Variants in POU4F2 observed in about 807,000 individuals in gnomAD.
POU4F2 encodes the protein POU domain, class 4, transcription factor 2.
In POU4F2, 10 loss-of-function variants were observed where a neutral mutation model predicts 21.5. The observed-to-expected ratio is 0.46, with a 90% confidence interval of 0.29 to 0.79. The LOEUF is 0.79. POU4F2 is among the 30% of genes least tolerant of loss of function. The pLI is 0.10. For missense variants in POU4F2, 623 were observed against 603.3 expected (o/e 1.03, Z -0.34); for synonymous variants, 324 against 271.1 (o/e 1.20, Z -1.92).
At chr4:146,639,829 T>A (rs1394114932) in intron 1 of POU4F2, 38 bp from the exon 2 acceptor site, 1 of 1,508,562 alleles carries the variant, frequency 6.6e-7, no homozygotes, top group Non-Finnish European at 8.9e-7. Context: ...TACAATTCCC[T>A]GCTGAGCGTA....
rs1194736156 is a variant in POU4F2, at chr4:146,639,233, C to A, written c.93C>A (p.Ser31Arg). ...HVEPKYSALHSTSPGSSAPIA... is the reference protein window; with the variant it reads ...HVEPKYSALHRTSPGSSAPIA... ...AGCCCAAGTACTCGGCACTGCACAG[C>A]ACCTCGCCGGGCTCCTCGGCTCCCA... The change falls in exon 1 of 2, where the codon AGC becomes AGA. Residue 31 changes from serine to arginine, a missense_variant. By Grantham distance (110) the Ser-to-Arg change is moderately radical. Coordinates refer to ENST00000281321, the MANE Select transcript of POU4F2 (RefSeq NM_004575.3). The A allele has an allele frequency of 6.3e-7, 1 of 1,594,788 alleles. No individual in the cohort carries two copies.
Position 146,640,234 on chromosome 4 carries a change from C to G in POU4F2, c.656C>G (p.Ala219Gly), listed in dbSNP as rs1186714249. 1 of 1,579,608 alleles carries G rather than the reference C, an allele frequency of 6.3e-7. No homozygotes were observed. The highest frequency in any genetic ancestry group is 2.3e-5 in the East Asian group (1 of 43,954). ...GCTGTGGTGTCCACGCCGGCTCACGCGCCGCACATGGCCACCATGAACCCC... is the reference window on the plus strand; with the variant it reads ...GCTGTGGTGTCCACGCCGGCTCACGGGCCGCACATGGCCACCATGAACCCC... ...DGAVVSTPAH[A>G]PHMATMNPMH... Residue 219 changes from alanine to glycine, a missense_variant, in exon 2 of 2, where the codon GCG (alanine) becomes GGG (glycine). Coordinates refer to ENST00000281321, the MANE Select transcript of POU4F2 (RefSeq NM_004575.3). This position sits in a 1 kb window ranked among gnomAD's most constrained non-coding sequence, Gnocchi z 4.8.
intron 1 of POU4F2, 63 bp downstream of exon 1, chr4:146,639,491 A>G: frequency 6.9e-7 from 1 of 1,444,802 alleles, no homozygotes; most frequent in Non-Finnish European, 9.1e-7. Flanking sequence ...TATCTGCTTG[A>G]TGTTTTTTTC....
In POU4F2 at chr4:146,639,091, G is replaced by C; in HGVS notation, c.-50G>C. 1 of 1,581,828 alleles carries C rather than the reference G, an allele frequency of 6.3e-7. No homozygotes were observed. ...CGGCACTTCTCGGAGGGTCCCGGCA[G>C]CCGGGACCAGTGAGTGCCTCTACGG... On this transcript the variant is annotated 5_prime_UTR_variant, in exon 1 of 2. Coordinates refer to ENST00000281321, the MANE Select transcript of POU4F2 (RefSeq NM_004575.3).
Position 146,639,127 on chromosome 4 carries a change from C to CG in POU4F2, c.-12dup. 1 of 1,599,686 alleles carries CG rather than the reference C, an allele frequency of 6.3e-7. No homozygotes were observed. Among genetic ancestry groups the CG allele is most frequent in the Non-Finnish European group, 8.5e-7 (1 of 1,174,284 alleles). ...TGAGTGCCTCTACGGACCAGCGCCC[C>CG]GGCGGGCGGGAAGATGATGATGATG... On this transcript the variant is annotated 5_prime_UTR_variant, in exon 1 of 2. Coordinates refer to ENST00000281321, the MANE Select transcript of POU4F2 (RefSeq NM_004575.3).
chr4:146,640,587 C>T lies in POU4F2; in HGVS notation c.1009C>T (p.Pro337Ser), dbSNP rs575863247. 1.2e-6 allele frequency: 2 copies of T among 1,614,048 alleles called. No homozygotes were observed. The highest frequency in any genetic ancestry group is 1.3e-5 in the African/African-American group (1 of 75,060). Residue 337 changes from proline (P) to serine (S), a missense_variant, in exon 2 of 2, where the codon CCT becomes TCT. Transcript: ENST00000281321. The surrounding 1 kb of genome is among the most constrained non-coding windows in gnomAD (Gnocchi z 4.8). ...GTCCCACCGCGAGAAGCTCACCAAG[C>T]CTGAACTCTTCAATGGCGCGGAGAA... ...EKSHREKLTK[P>S]ELFNGAEKKR... is the part of the protein sequence containing the mutation.
rs372340520 is a variant in POU4F2, at chr4:146,640,993, T to C, written c.*185T>C. ...CCAAGCCGGTGAGAATGTGAAACAG[T>C]TTCTCAAAGGAAAGAATAACAAAAG... On this transcript the variant is annotated 3_prime_UTR_variant, in exon 2 of 2. Transcript: ENST00000281321. The surrounding 1 kb of genome is among the most constrained non-coding windows in gnomAD (Gnocchi z 4.8). 1.8e-5 allele frequency: 11 copies of C among 595,628 alleles called. No homozygotes were observed. Among genetic ancestry groups the C allele is most frequent in the Non-Finnish European group, 3.0e-5 (11 of 368,866 alleles). The allele number at this position is 595,628 out of a possible 1,614,324, so 36.9% of individuals were successfully genotyped here.
intron 1 of POU4F2, 115 bp from the exon 2 acceptor site, chr4:146,639,752 G>A (rs1740836800): frequency 1.3e-5 from 14 of 1,041,670 alleles, no homozygotes; most frequent in Non-Finnish European, 1.9e-5. Flanking sequence ...TTATTTTAAC[G>A]ATCTGGGAAT....
At position 146,639,957 on chromosome 4, in the gene POU4F2, C is replaced by A; in HGVS notation, c.379C>A (p.His127Asn). 6.2e-7 allele frequency: 1 copy of A among 1,610,678 alleles called. No individual in the cohort carries two copies. Among genetic ancestry groups the A allele is most frequent in the South Asian group, 1.1e-5 (1 of 90,444 alleles). ...CATCGTCTCCCAGAGCAAGAGCCAC[C>A]ACCACCATCCACCCCACCACAGCCC... ...VDIVSQSKSH[H>N]HHPPHHSPFK... is the part of the protein sequence containing the mutation. Residue 127 changes from histidine to asparagine, a missense_variant, in exon 2 of 2, where the codon CAC becomes AAC. His to Asn is a moderately conservative substitution (Grantham distance 68). Coordinates refer to ENST00000281321, the MANE Select transcript of POU4F2 (RefSeq NM_004575.3).
chr4:146,639,775 GCGA>G, intron 1 of POU4F2, 89 bp from the exon 2 acceptor site: 1 of 1,265,600 alleles, frequency 7.9e-7, no homozygotes, highest in Non-Finnish European at 1.1e-6. Flanking sequence ...TGTAGGCGCG[GCGA>G]CGGTGTCGAG....
At position 146,639,995 on chromosome 4, in the gene POU4F2, C is replaced by A. The variant is rs147517729; in HGVS notation, c.417C>A (p.Asp139Glu). The A allele has an allele frequency of 0.012, 20,001 of 1,612,768 alleles. 156 individuals are homozygous for A. The highest frequency in any genetic ancestry group is 0.014 in the Non-Finnish European group (17,021 of 1,179,838). Residue 139 changes from aspartate to glutamate, a missense_variant, in exon 2 of 2, where the codon GAC (aspartate) becomes GAA (glutamate). This residue lies in a region of POU4F2 where 523 missense variants were observed against 504.1 expected (regional missense o/e 1.04). Transcript: ENST00000281321. ...CCCACCACAGCCCCTTCAAACCGGACGCCACCTACCACACTATGAATACCA... is the reference window on the plus strand; with the variant it reads ...CCCACCACAGCCCCTTCAAACCGGAAGCCACCTACCACACTATGAATACCA... The part of the protein sequence containing the change: ...HPPHHSPFKP[D>E]ATYHTMNTIP...
rs183140735 is a variant in POU4F2 at position 146,642,107 on chromosome 4, G to A, written c.*1299G>A. 82 of 152,690 alleles carry A rather than the reference G, an allele frequency of 5.4e-4. No individual in the cohort carries two copies. The East Asian group carries it at 0.014, about 25-fold the overall frequency. The allele number at this position is 152,690 out of a possible 1,614,324, so 9.5% of individuals were successfully genotyped here. The stretch of plus-strand genomic sequence containing the variant: ...GTAGAAAAACTAATTTGAACTATAA[G>A]AAAGACAGTGCACTGCTTGTAAATT... On this transcript the variant is annotated 3_prime_UTR_variant, in exon 2 of 2. Coordinates refer to ENST00000281321, the MANE Select transcript of POU4F2 (RefSeq NM_004575.3).
intron 1 of POU4F2, 127 bp from the exon 2 acceptor site, chr4:146,639,740 T>C: frequency 9.9e-7 from 1 of 1,005,624 alleles, no homozygotes; most frequent in Non-Finnish European, 1.4e-6. Context: ...TTATTATTAT[T>C]ATTATTTTAA....
rs1292908271 is a variant in POU4F2, at chr4:146,641,709, G to A, written c.*901G>A. 1 of 152,542 alleles carries A rather than the reference G, an allele frequency of 6.6e-6. No homozygotes were observed. The highest frequency in any genetic ancestry group is 1.5e-5 in the Non-Finnish European group (1 of 68,038). The allele number at this position is 152,542 out of a possible 1,614,324, so 9.4% of individuals were successfully genotyped here. A position where few individuals can be genotyped will look rare whatever the true frequency, so the allele number is the denominator to read the frequency against. On this transcript the variant is annotated 3_prime_UTR_variant, in exon 2 of 2. Transcript: ENST00000281321. ...GTTTTTTTCTTTGTTTTTACTGGTAGTGTTCTGATTTGTGAGTCGACACTC... is the reference window on the plus strand; with the variant it reads ...GTTTTTTTCTTTGTTTTTACTGGTAATGTTCTGATTTGTGAGTCGACACTC...
In POU4F2 at chr4:146,639,270, G is replaced by GCAAGCTCCC. The variant is rs753557223; in HGVS notation, c.131_132insAAGCTCCCC (p.Pro47_Ser49dup). On this transcript the variant is annotated inframe_insertion, in exon 1 of 2. Transcript: ENST00000281321. ...CTCCTCGGCTCCCATCGCGCCCTCG[G>GCAAGCTCCC]CCAGCTCCCCCAGCAGCTCGAGCAA... 2.5e-5 allele frequency: 40 copies of GCAAGCTCCC among 1,571,118 alleles called. No individual in the cohort carries two copies. Among genetic ancestry groups the GCAAGCTCCC allele is most frequent in the African/African-American group, 4.2e-5 (3 of 70,862 alleles).
chr4:146,641,394 A>G lies in POU4F2; in HGVS notation c.*586A>G, dbSNP rs1352702557. The stretch of plus-strand genomic sequence containing the variant: ...TTCTTACCCCCTTTTCCTTCTCTGA[A>G]GTGTTAATGCTTAAGAAAAGAGTTG... On this transcript the variant is annotated 3_prime_UTR_variant, in exon 2 of 2. Coordinates refer to ENST00000281321, the MANE Select transcript of POU4F2 (RefSeq NM_004575.3). 1 of 152,574 alleles carries G rather than the reference A, an allele frequency of 6.6e-6. No individual in the cohort carries two copies. The highest frequency in any genetic ancestry group is 1.9e-4 in the East Asian group (1 of 5,200). The allele number at this position is 152,574 out of a possible 1,614,324, so 9.5% of individuals were successfully genotyped here. A position where few individuals can be genotyped will look rare whatever the true frequency, so the allele number is the denominator to read the frequency against.
chr4:146,639,281 C>T lies in POU4F2; in HGVS notation c.141C>T (p.Pro47=). 6.4e-7 allele frequency: 1 copy of T among 1,558,600 alleles called. No homozygotes were observed. The change falls in exon 1 of 2, where the codon CCC becomes CCT. Residue 47 remains proline (P), a synonymous_variant. Coordinates refer to ENST00000281321, the MANE Select transcript of POU4F2 (RefSeq NM_004575.3). The part of the protein sequence containing the change: ...SAPIAPSASS[P]SSSSNAGGGG... The stretch of plus-strand genomic sequence containing the variant: ...CCATCGCGCCCTCGGCCAGCTCCCC[C>T]AGCAGCTCGAGCAACGCTGGTGGTG...
chr4:146,639,542 T>C, intron 1 of POU4F2, 114 bp downstream of exon 1: 2 of 1,358,852 alleles, frequency 1.5e-6, no homozygotes, highest in Admixed American at 2.8e-5. Context: ...CAACCAATTT[T>C]CCCCTCTCTC....
In POU4F2 at chr4:146,639,312, G is replaced by GGCGGCC; in HGVS notation, c.177_178insCGCGGC (p.Gly59_Gly60insArgGly). The GGCGGCC allele has an allele frequency of 8.8e-7, 1 of 1,137,076 alleles. No individual in the cohort carries two copies. Among genetic ancestry groups the GGCGGCC allele is most frequent in the Non-Finnish European group, 1.1e-6 (1 of 873,328 alleles). The allele number at this position is 1,137,076 out of a possible 1,614,324, so 70.4% of individuals were successfully genotyped here. ...CTCGAGCAACGCTGGTGGTGGCGGCGGCGGCGGCGGCGGCGGCGGCGGCGG... is the reference window on the plus strand; with the variant it reads ...CTCGAGCAACGCTGGTGGTGGCGGCGGCGGCCGCGGCGGCGGCGGCGGCGGCGGCGG... On this transcript the variant is annotated inframe_insertion, in exon 1 of 2. Transcript: ENST00000281321.
Sources: allele counts gnomAD v4.1 joint callset, GRCh38; gene constraint gnomAD v4.1.1; regional missense constraint gnomAD v4.1.1; non-coding constraint Gnocchi (gnomAD v3.1); transcripts MANE v1.5; gene names NCBI Gene and HGNC (gene_info 2026-07-23, HGNC 2026-07-21).